Variants in ARL15 observed in about 807,000 individuals in gnomAD.
ARL15 encodes the protein ARF like GTPase 15.
Under a neutral mutation model 25.2 loss-of-function variants are expected in ARL15, and 19 were observed. That is an observed-to-expected ratio of 0.75 (90% CI 0.53 to 1.10). The LOEUF (loss-of-function observed/expected upper bound fraction) is 1.10, where lower values mean the gene tolerates loss of function less well. Ranked by LOEUF, ARL15 falls within the 50% of genes least tolerant of loss-of-function variation. The pLI, the probability that ARL15 is intolerant of heterozygous loss-of-function variation, is 0.00. For synonymous variants in ARL15, 94 were observed against 86.8 expected (o/e 1.08, Z -0.46); for missense variants, 220 against 246.0 (o/e 0.89, Z 0.71).
chr5:54,079,894 C>T (rs1227187624), intron 4 of ARL15, among the ~76,000 whole-genome samples: 2 of 151,648 alleles, frequency 1.3e-5, no homozygotes, highest in Admixed American at 6.6e-5. Context: ...CACTTGAACC[C>T]GGGAGGCGGA....
At chr5:54,163,378 T>TTTTTTTTTTTTTTTTTTTTTTTTTTTG (rs1468507666) in intron 2 of ARL15, among the ~76,000 whole-genome samples, 1 of 113,918 alleles carries the variant, frequency 8.8e-6, no homozygotes, top group South Asian at 3.1e-4. Flanking sequence ...TTTTTTTTTT[T>TTTTTTTTTTTTTTTTTTTTTTTTTTTG]TTTTTTTTTT....
chr5:54,077,127 G>T (rs542512944), intron 4 of ARL15, among the ~76,000 whole-genome samples: 1 of 152,234 alleles, frequency 6.6e-6, no homozygotes, highest in East Asian at 1.9e-4. Context: ...TTAACATATT[G>T]TCATTCATTT....
At chr5:54,107,816 C>T (rs1561226601) in intron 4 of ARL15, among the ~76,000 whole-genome samples, 1 of 152,072 alleles carries the variant, frequency 6.6e-6, no homozygotes, top group Non-Finnish European at 1.5e-5. Flanking sequence ...TTACCCTCAC[C>T]TAAATAATTT....
chr5:54,057,659 T>C (rs997951902), intron 4 of ARL15, among the ~76,000 whole-genome samples: 3 of 152,066 alleles, frequency 2.0e-5, no homozygotes, highest in East Asian at 1.9e-4. Context: ...CTGGGCAACA[T>C]AGTGAGACCT....
intron 4 of ARL15, among the ~76,000 whole-genome samples, chr5:54,041,657 A>G (rs1750344537): frequency 6.6e-6 from 1 of 152,184 alleles, no homozygotes; most frequent in African/African-American, 2.4e-5. Context: ...TACCAGTTCC[A>G]TTGCTGGATA....
At chr5:54,109,049 T>G (rs1752666672) in intron 4 of ARL15, among the ~76,000 whole-genome samples, 2 of 152,064 alleles carry the variant, frequency 1.3e-5, no homozygotes, top group African/African-American at 4.8e-5. Context: ...ATCTTGTTTT[T>G]CAAACATAAC....
At chr5:54,074,718 A>T (rs1050137065) in intron 4 of ARL15, among the ~76,000 whole-genome samples, 3 of 152,192 alleles carry the variant, frequency 2.0e-5, no homozygotes, top group Non-Finnish European at 4.4e-5. Context: ...TTAGAGGCAG[A>T]GTGAAAAATA....
At chr5:54,171,952 T>C (rs1754731988) in intron 1 of ARL15, 24 bp from the exon 2 acceptor site, 1 of 1,603,644 alleles carries the variant, frequency 6.2e-7, no homozygotes, top group African/African-American at 1.3e-5. Context: ...GGGAAAAAAA[T>C]GTTCCTTTAA....
At position 54,263,213 on chromosome 5, in the gene ARL15, C is replaced by A. The variant is rs1364991225; in HGVS notation, c.48+47219G>T. 3.9e-5 allele frequency among the ~76,000 whole-genome samples: 6 copies of A among 152,098 alleles called. 1 individual carries two copies. Among genetic ancestry groups the A allele is most frequent in the Non-Finnish European group, 7.4e-5 (5 of 68,004 alleles). ...AAACTAGAAATGCAAAAAAGGAATTCTAATATCATTAGTGGTTTTGTAATA... is the reference window on the plus strand; with the variant it reads ...AAACTAGAAATGCAAAAAAGGAATTATAATATCATTAGTGGTTTTGTAATA... On this transcript the variant is annotated intron_variant, in intron 1 of 4. Coordinates refer to ENST00000504924, the MANE Select transcript of ARL15 (RefSeq NM_019087.3).
chr5:54,238,743 T>C (rs1256391696), intron 1 of ARL15, among the ~76,000 whole-genome samples: 2 of 152,148 alleles, frequency 1.3e-5, no homozygotes, highest in African/African-American at 2.4e-5. Flanking sequence ...ATCAGGTTGT[T>C]GTAATAAAGA....
chr5:54,022,227 C>T (rs760464046), intron 4 of ARL15, among the ~76,000 whole-genome samples: 1 of 152,040 alleles, frequency 6.6e-6, no homozygotes, highest in Non-Finnish European at 1.5e-5. Flanking sequence ...AGCAAAAATA[C>T]GCGTAAGTAT....
intron 4 of ARL15, among the ~76,000 whole-genome samples, chr5:53,985,433 GA>G (rs1354785388): frequency 6.6e-6 from 1 of 152,088 alleles, no homozygotes; most frequent in Non-Finnish European, 1.5e-5. Context: ...TTTTAAAACT[GA>G]AACTCTTATG....
chr5:53,893,490 C>T (rs567830198), intron 4 of ARL15, among the ~76,000 whole-genome samples: 2 of 152,168 alleles, frequency 1.3e-5, no homozygotes, highest in South Asian at 4.2e-4. Context: ...CGCCTGTAGT[C>T]CCAGCTCCTC....
chr5:53,993,629 C>G (rs3822499), intron 4 of ARL15, among the ~76,000 whole-genome samples: 33,439 of 152,058 alleles, frequency 0.22, 3,890 homozygotes, highest in East Asian at 0.46. Context: ...CCCTGGGGTT[C>G]TCCTCCCTCC....
intron 1 of ARL15, among the ~76,000 whole-genome samples, chr5:54,281,117 G>T (rs925535997): frequency 3.9e-5 from 6 of 152,116 alleles, no homozygotes; most frequent in African/African-American, 1.2e-4. Flanking sequence ...CACCATTCAA[G>T]TTAAAACCCA....
At chr5:54,215,729 A>G (rs1756186040) in intron 1 of ARL15, among the ~76,000 whole-genome samples, 3 of 135,304 alleles carry the variant, frequency 2.2e-5, no homozygotes, top group South Asian at 2.5e-4. Flanking sequence ...CAGTCATGGT[A>G]CCCGTCAGGG....
chr5:54,262,909 T>C (rs1757530669), intron 1 of ARL15, among the ~76,000 whole-genome samples: 1 of 152,114 alleles, frequency 6.6e-6, no homozygotes, highest in Non-Finnish European at 1.5e-5. Context: ...CAACAAAAAG[T>C]ATTTGGGAAC....
chr5:54,055,657 G>A (rs1002573650), intron 4 of ARL15, among the ~76,000 whole-genome samples: 6 of 151,878 alleles, frequency 4.0e-5, no homozygotes, highest in Non-Finnish European at 7.4e-5. Flanking sequence ...CACTGCACCT[G>A]GCCTATCATT....
intron 1 of ARL15, among the ~76,000 whole-genome samples, chr5:54,287,162 G>A (rs968657501): frequency 3.9e-5 from 6 of 152,208 alleles, no homozygotes; most frequent in South Asian, 4.1e-4. Context: ...TTGCAGGAAT[G>A]AGCCACTGTA....
Sources: allele counts gnomAD v4.1 joint callset (sites outside exome capture counted in the v4.1 genomes callset), GRCh38; gene constraint gnomAD v4.1.1; transcripts MANE v1.5; gene names NCBI Gene and HGNC (gene_info 2026-07-23, HGNC 2026-07-21).